The following HECW1 variants were observed in gnomAD, a reference collection of about 807,000 sequenced individuals.
The protein encoded by HECW1 is E3 ubiquitin-protein ligase HECW1.
Under a neutral mutation model 182.3 loss-of-function variants are expected in HECW1, and 61 were observed. That is an observed-to-expected ratio of 0.33 (90% confidence interval 0.27 to 0.41). The LOEUF (loss-of-function observed/expected upper bound fraction) is 0.41, where lower values mean the gene tolerates loss of function less well. Ranked by LOEUF, HECW1 falls within the 10% of genes least tolerant of loss-of-function variation. HECW1 has a pLI of 1.00. For missense variants in HECW1, 1,739 were observed against 2,108.9 expected (o/e 0.82, Z 3.44); for synonymous variants, 859 against 832.6 (o/e 1.03, Z -0.55).
At chr7:43,516,560 T>C (rs1253805964) in intron 24 of HECW1, among the ~76,000 whole-genome samples, 1 of 152,222 alleles carries the variant, frequency 6.6e-6, no homozygotes, top group Non-Finnish European at 1.5e-5. Flanking sequence ...TGAATGTCAC[T>C]TTTCCTGGAG....
intron 2 of HECW1, among the ~76,000 whole-genome samples, chr7:43,187,933 A>G (rs1029751635): frequency 3.9e-5 from 6 of 152,196 alleles, no homozygotes; most frequent in Admixed American, 6.5e-5. Context: ...GTTACCAAGC[A>G]GGCACTAAAT....
Position 43,501,297 on chromosome 7 carries a change from C to G in HECW1, c.3606C>G (p.Pro1202=), listed in dbSNP as rs751202823. 1.2e-6 allele frequency: 2 copies of G among 1,607,956 alleles called. No homozygotes were observed. The highest frequency in any genetic ancestry group is 1.7e-6 in the Non-Finnish European group (2 of 1,175,146). Reference sequence around the variant, plus strand: ...ATAGCTTCTCTCCCCGATGTTCACCCTGTTCTTCACCTCAGAACTCCCCAG... The same window carrying G: ...ATAGCTTCTCTCCCCGATGTTCACCGTGTTCTTCACCTCAGAACTCCCCAG... The part of the protein sequence containing the change: ...PGYSFSPRCS[P]CSSPQNSPGL... The change falls in exon 21 of 30, where the codon CCC becomes CCG. Residue 1202 remains proline (P), a synonymous_variant. Coordinates refer to ENST00000395891, the MANE Select transcript of HECW1 (RefSeq NM_015052.5).
At chr7:43,183,157 G>T (rs1384501922) in intron 2 of HECW1, among the ~76,000 whole-genome samples, 1 of 152,168 alleles carries the variant, frequency 6.6e-6, no homozygotes, top group Non-Finnish European at 1.5e-5. Flanking sequence ...AGTCTTTTGT[G>T]TAGGTACACA....
chr7:43,222,812 G>A (rs1309971367), intron 2 of HECW1, among the ~76,000 whole-genome samples: 8 of 152,050 alleles, frequency 5.3e-5, no homozygotes, highest in East Asian at 1.9e-4. Flanking sequence ...CCATTGGGCC[G>A]TCTCAGGGCT....
At chr7:43,274,105 C>G in intron 3 of HECW1, 1 of 382,314 alleles carries the variant, frequency 2.6e-6, no homozygotes. Flanking sequence ...CCCGCCTCGG[C>G]CTCCCAAAGT....
chr7:43,232,093 C>A (rs1797935772), intron 2 of HECW1, among the ~76,000 whole-genome samples: 1 of 149,066 alleles, frequency 6.7e-6, no homozygotes, highest in Non-Finnish European at 1.5e-5. Flanking sequence ...TTGGAGAAAA[C>A]TGATTGTAAG....
At chr7:43,276,949 C>T (rs1161415477) in intron 3 of HECW1, among the ~76,000 whole-genome samples, 2 of 152,206 alleles carry the variant, frequency 1.3e-5, no homozygotes, top group East Asian at 3.8e-4. Context: ...AATCCCACTT[C>T]GCCAGATTAT....
intron 2 of HECW1, among the ~76,000 whole-genome samples, chr7:43,232,622 C>T (rs2152710188): frequency 6.6e-6 from 1 of 152,262 alleles, no homozygotes; most frequent in East Asian, 1.9e-4. Context: ...ACATGATGTT[C>T]TTGCGGGAAA....
chr7:43,379,632 T>A (rs2074466557), intron 6 of HECW1, among the ~76,000 whole-genome samples: 1 of 152,174 alleles, frequency 6.6e-6, no homozygotes. Flanking sequence ...GTCCTCTTTC[T>A]AATCCTTGAA....
intron 23 of HECW1, chr7:43,508,669 A>G (rs1201837298): frequency 5.2e-6 from 2 of 386,668 alleles, no homozygotes; most frequent in Non-Finnish European, 9.4e-6. Context: ...CTTGTATTCA[A>G]TGGGCCAGCT....
chr7:43,451,066 C>T, intron 12 of HECW1, 137 bp downstream of exon 12: 1 of 625,918 alleles, frequency 1.6e-6, no homozygotes, highest in South Asian at 2.0e-5. Flanking sequence ...AATATGACAC[C>T]TGCTCTAAAA....
intron 17 of HECW1, 133 bp from the exon 18 acceptor site, chr7:43,491,942 T>C: frequency 1.6e-6 from 1 of 643,870 alleles, no homozygotes; most frequent in Non-Finnish European, 2.7e-6. Context: ...TAAGCTTTCT[T>C]TTCCATCACT....
At chr7:43,434,941 A>G (rs2076664206) in intron 8 of HECW1, among the ~76,000 whole-genome samples, 1 of 152,214 alleles carries the variant, frequency 6.6e-6, no homozygotes, top group Non-Finnish European at 1.5e-5. Context: ...TGGAAAATAC[A>G]GAAAAAGGAA....
At chr7:43,161,394 C>T (rs1342732334) in intron 2 of HECW1, among the ~76,000 whole-genome samples, 2 of 152,118 alleles carry the variant, frequency 1.3e-5, no homozygotes, top group Non-Finnish European at 2.9e-5. Context: ...TGAAGTGTGG[C>T]CTTGTCCTGA....
At chr7:43,378,267 A>G (rs1406572879) in intron 6 of HECW1, among the ~76,000 whole-genome samples, 2 of 152,250 alleles carry the variant, frequency 1.3e-5, no homozygotes, top group Non-Finnish European at 2.9e-5. Context: ...TTAAGGACTT[A>G]GCAAATATGA....
At chr7:43,371,316 C>T (rs1412828945) in intron 6 of HECW1, among the ~76,000 whole-genome samples, 2 of 152,036 alleles carry the variant, frequency 1.3e-5, no homozygotes, top group Non-Finnish European at 1.5e-5. Context: ...TAATGATGTG[C>T]CAGGGTAGGC....
At chr7:43,556,729 C>T (rs2082039760) in intron 29 of HECW1, among the ~76,000 whole-genome samples, 1 of 151,570 alleles carries the variant, frequency 6.6e-6, no homozygotes, top group African/African-American at 2.4e-5. Flanking sequence ...AAGAAAAGAC[C>T]GTGCTGAGGA....
intron 3 of HECW1, chr7:43,258,875 A>G (rs551605561): frequency 8.5e-5 from 13 of 152,274 alleles, no homozygotes; most frequent in Non-Finnish European, 1.8e-4. Flanking sequence ...GTAGGGTGAA[A>G]GCTTGGATAG....
intron 2 of HECW1, among the ~76,000 whole-genome samples, chr7:43,198,613 ACT>A (rs943999010): frequency 9.2e-5 from 12 of 130,572 alleles, no homozygotes; most frequent in African/African-American, 3.5e-4. Context: ...AGTCATACAC[ACT>A]CATTCACACA....
Sources: allele counts gnomAD v4.1 joint callset (sites outside exome capture counted in the v4.1 genomes callset), GRCh38; gene constraint gnomAD v4.1.1; transcripts MANE v1.5; gene names NCBI Gene and HGNC (gene_info 2026-07-23, HGNC 2026-07-21).